The following PRMT2 variants were observed in gnomAD, a reference collection of about 807,000 sequenced individuals.
PRMT2 encodes the protein protein arginine N-methyltransferase 2.
A neutral mutation model predicts 57.6 loss-of-function variants in PRMT2; 26 were observed. That is an observed-to-expected ratio of 0.45 (90% CI 0.33 to 0.63). The LOEUF (loss-of-function observed/expected upper bound fraction) is 0.63. Ranked by LOEUF, PRMT2 falls within the 20% of genes least tolerant of loss-of-function variation. The pLI is 0.02. For missense variants in PRMT2, 472 were observed against 564.4 expected (o/e 0.84, Z 1.66); for synonymous variants, 219 against 220.0 (o/e 1.00, Z 0.04).
intron 7 of PRMT2, chr21:46,652,915 A>C: frequency 7.7e-7 from 1 of 1,302,382 alleles, no homozygotes; most frequent in South Asian, 1.2e-5. Context: ...CACACTCAGC[A>C]GTCTCCCACT....
intron 4 of PRMT2, among the ~76,000 whole-genome samples, chr21:46,643,994 C>T (rs910663567): frequency 6.6e-6 from 1 of 152,190 alleles, no homozygotes; most frequent in African/African-American, 2.4e-5. Context: ...GAGTCAGCCT[C>T]CAGTAACTCA....
At chr21:46,661,764 G>A (rs1427806831) in intron 9 of PRMT2, 36 bp from the exon 10 acceptor site, 4 of 1,305,450 alleles carry the variant, frequency 3.1e-6, no homozygotes, top group Admixed American at 3.7e-5. Flanking sequence ...GGTGCCACGC[G>A]GTGCCCACGC....
At chr21:46,659,493 G>A (rs1181022010) in intron 8 of PRMT2, 4 of 981,548 alleles carry the variant, frequency 4.1e-6, no homozygotes, top group Non-Finnish European at 4.8e-6. Context: ...AGATGGAATT[G>A]CAGCCCAATC....
In PRMT2 at chr21:46,649,375, T is replaced by A. The variant is rs562956965; in HGVS notation, c.490-200T>A. On this transcript the variant is annotated intron_variant, in intron 6 of 11. Coordinates refer to ENST00000355680, the MANE Select transcript of PRMT2 (RefSeq NM_206962.4). The surrounding 1 kb of genome is among the most constrained non-coding windows in gnomAD (Gnocchi z 4.8). ...TGTCTTGTCCGGGAGGTGGGGGCAG[T>A]TGGGAGGGTTAGAGGCGGCTCCTTT... 5.6e-5 allele frequency: 42 copies of A among 748,894 alleles called. No homozygotes were observed. The South Asian group carries it at 6.5e-4, about 12-fold the overall frequency. The allele number at this position is 748,894 out of a possible 1,614,324, so 46.4% of individuals were successfully genotyped here.
At chr21:46,658,955 T>G (rs750445351) in intron 8 of PRMT2, 35 bp downstream of exon 8, 1 of 1,591,996 alleles carries the variant, frequency 6.3e-7, no homozygotes, top group Non-Finnish European at 8.6e-7. Flanking sequence ...CACCGTCTTG[T>G]GGGGCCTCCT....
chr21:46,650,932 A>G (rs903720572), intron 7 of PRMT2, among the ~76,000 whole-genome samples: 7 of 152,314 alleles, frequency 4.6e-5, no homozygotes, highest in African/African-American at 1.7e-4. Flanking sequence ...GGCCAGATGT[A>G]GGGAACTGTG....
intron 3 of PRMT2, among the ~76,000 whole-genome samples, chr21:46,641,719 CTGTG>C (rs34542867): frequency 0.65 from 95,509 of 148,030 alleles, 31,798 homozygotes; most frequent in East Asian, 0.88. Context: ...AAGAAACAGC[CTGTG>C]TGTGTGTGTG....
At chr21:46,637,829 T>C (rs1484563458) in intron 3 of PRMT2, among the ~76,000 whole-genome samples, 1 of 152,158 alleles carries the variant, frequency 6.6e-6, no homozygotes, top group Non-Finnish European at 1.5e-5. Flanking sequence ...GTCGGGTGTG[T>C]CTGTAGTTCA....
Position 46,663,404 on chromosome 21 carries a change from G to A in PRMT2, c.1119G>A (p.Thr373=), listed in dbSNP as rs546308106. 2 of 1,613,324 alleles carry A rather than the reference G, an allele frequency of 1.2e-6. No individual in the cohort carries two copies. The highest frequency in any genetic ancestry group is 1.7e-6 in the Non-Finnish European group (2 of 1,179,390). ...GCAGCACCACACACTGGAAGCAGAC[G>A]CTGTTCATGATGGACGACCCAGTCC... ...PFHPTTHWKQ[T]LFMMDDPVPV... The change falls in exon 11 of 12, where the codon ACG becomes ACA. Residue 373 remains threonine (T), a synonymous_variant. Transcript: ENST00000355680.
intron 10 of PRMT2, among the ~76,000 whole-genome samples, chr21:46,662,444 G>C (rs1216034451): frequency 6.6e-6 from 1 of 152,200 alleles, no homozygotes; most frequent in Admixed American, 6.5e-5. Flanking sequence ...TTCCCAGCGT[G>C]GTGGCCCCGC....
intron 7 of PRMT2, chr21:46,653,455 G>C (rs1306922981): frequency 2.0e-6 from 2 of 999,924 alleles, no homozygotes; most frequent in African/African-American, 3.5e-5. Flanking sequence ...AAATGTATTT[G>C]CTTTATTTAC....
chr21:46,662,325 T>G (rs936441611), intron 10 of PRMT2, among the ~76,000 whole-genome samples: 2 of 152,138 alleles, frequency 1.3e-5, no homozygotes, highest in Admixed American at 6.5e-5. Context: ...GGGACACATT[T>G]CCCCGCCAGC....
intron 3 of PRMT2, among the ~76,000 whole-genome samples, chr21:46,637,301 CA>C (rs2061190544): frequency 6.6e-6 from 1 of 152,196 alleles, no homozygotes; most frequent in Admixed American, 6.5e-5. Context: ...AATAAAATTT[CA>C]GGCATAATAC....
chr21:46,638,909 T>C (rs1471499734), intron 3 of PRMT2, among the ~76,000 whole-genome samples: 1 of 152,186 alleles, frequency 6.6e-6, no homozygotes, highest in Non-Finnish European at 1.5e-5. Context: ...CTTTTGTCTT[T>C]ATTTCATTCT....
chr21:46,659,362 G>C, intron 8 of PRMT2: 1 of 987,130 alleles, frequency 1.0e-6, no homozygotes, highest in Non-Finnish European at 1.2e-6. Context: ...CCCTGGGCTA[G>C]ATAGAATCTG....
intron 7 of PRMT2, chr21:46,651,743 A>AG (rs2061457073): frequency 6.4e-7 from 1 of 1,570,302 alleles, no homozygotes; most frequent in African/African-American, 1.4e-5. Flanking sequence ...GATTTGAGGG[A>AG]GGGAGGGTAT....
chr21:46,638,464 C>T (rs1032718026), intron 3 of PRMT2, among the ~76,000 whole-genome samples: 1 of 152,184 alleles, frequency 6.6e-6, no homozygotes, highest in Non-Finnish European at 1.5e-5. Flanking sequence ...AGTGACCATC[C>T]GTCTCCATGC....
chr21:46,655,499 C>T (rs1232147936), intron 7 of PRMT2, among the ~76,000 whole-genome samples: 1 of 152,028 alleles, frequency 6.6e-6, no homozygotes, highest in Non-Finnish European at 1.5e-5. Flanking sequence ...CAAAATTCAA[C>T]ATCAGTTCAT....
chr21:46,642,058 G>T (rs2061286337), intron 3 of PRMT2, among the ~76,000 whole-genome samples: 1 of 152,218 alleles, frequency 6.6e-6, no homozygotes, highest in Non-Finnish European at 1.5e-5. Context: ...TAAAGTGATT[G>T]GTATCTATTG....
Sources: gnomAD v4.1 joint callset for allele counts (sites outside exome capture counted in the v4.1 genomes callset) on GRCh38, gnomAD v4.1.1 for gene constraint, Gnocchi (gnomAD v3.1) non-coding constraint, MANE v1.5 for transcripts, NCBI Gene and HGNC (gene_info 2026-07-23, HGNC 2026-07-21) for gene names.